The following HSF5 variants were observed in gnomAD, a reference collection of about 807,000 sequenced individuals.
HSF5 encodes the protein heat shock transcription factor 5, also known as heat shock factor protein 5.
HSF5 carries 5 observed loss-of-function variants against 50.8 expected under a neutral mutation model. The ratio of observed to expected loss-of-function variants is 0.10; its 90% confidence interval spans 0.05 to 0.21. HSF5 has a LOEUF of 0.21. Among genes scored for constraint, HSF5 ranks in the 10% least tolerant of loss-of-function variants. HSF5 has a pLI of 1.00. For synonymous variants in HSF5, 307 were observed against 307.4 expected, an observed-to-expected ratio of 1.00 and a Z score of 0.02; for missense variants, 564 against 762.6, an observed-to-expected ratio of 0.74 and a Z score of 3.07.
At chr17:58,427,709 C>T (rs1048852405) in intron 5 of HSF5, among the ~76,000 whole-genome samples, 12 of 152,228 alleles carry the variant, frequency 7.9e-5, no homozygotes, top group Admixed American at 3.3e-4. Context: ...ATTTGGTCAT[C>T]TATGAGAACT....
chr17:58,487,421 T>G (rs977678464), intron 1 of HSF5, among the ~76,000 whole-genome samples: 12 of 152,190 alleles, frequency 7.9e-5, no homozygotes, highest in Non-Finnish European at 5.9e-5. Flanking sequence ...CTCCTGGGGT[T>G]CAAACCGGGG....
chr17:58,466,838 A>C, intron 3 of HSF5, 47 bp downstream of exon 3: 1 of 1,167,098 alleles, frequency 8.6e-7, no homozygotes, highest in Non-Finnish European at 1.3e-6. Context: ...ATATCGATAA[A>C]ATTGCACATA....
intron 4 of HSF5, among the ~76,000 whole-genome samples, chr17:58,462,515 G>A (rs977798469): frequency 6.6e-6 from 1 of 152,138 alleles, no homozygotes; most frequent in Non-Finnish European, 1.5e-5. Context: ...ATGAAAATAA[G>A]CTTCATACTA....
At chr17:58,441,558 T>G (rs1360837169) in intron 5 of HSF5, among the ~76,000 whole-genome samples, 3 of 151,686 alleles carry the variant, frequency 2.0e-5, no homozygotes, top group African/African-American at 4.8e-5. Flanking sequence ...TGGAAAAAAT[T>G]AACAAATACA....
At chr17:58,439,546 G>A (rs553154077) in intron 5 of HSF5, among the ~76,000 whole-genome samples, 37 of 151,904 alleles carry the variant, frequency 2.4e-4, no homozygotes, top group African/African-American at 7.7e-4. Context: ...GTGCAATAGC[G>A]CGATCTCGGC....
Position 58,459,646 on chromosome 17 carries a change from CA to C in HSF5, c.1543-702del, listed in dbSNP as rs35302270. Among the ~76,000 whole-genome samples, 420 of 105,514 alleles carry C rather than the reference CA, an allele frequency of 4.0e-3. 1 individual carries two copies. Among genetic ancestry groups the C allele is most frequent in the South Asian group, 0.017 (49 of 2,834 alleles). The allele number at this position is 105,514 out of a possible 152,430, so 69.2% of individuals were successfully genotyped here. A position where few individuals can be genotyped will look rare whatever the true frequency, so the allele number is the denominator to read the frequency against. On this transcript the variant is annotated intron_variant, in intron 4 of 5. Transcript: ENST00000323777. ...TGGGCAACAGAGTGAGACTACATCT[CA>C]AAAAAAAAAAAAAAAGGTTTTTTTG...
At position 58,462,958 on chromosome 17, in the gene HSF5, G is replaced by C. The variant is rs1409638720; in HGVS notation, c.1366C>G (p.Gln456Glu). The C allele has an allele frequency of 6.2e-7, 1 of 1,614,218 alleles. No homozygotes were observed. Among genetic ancestry groups the C allele is most frequent in the African/African-American group, 1.3e-5 (1 of 75,048 alleles). Residue 456 changes from glutamine to glutamate, a missense_variant, in exon 4 of 6, where the codon CAG (glutamine) becomes GAG (glutamate). Coordinates refer to ENST00000323777, the MANE Select transcript of HSF5 (RefSeq NM_001080439.3). ...ATGGTATAGATGTACTCAGGTGACT[G>C]TGGTAGAGAGCAGGCAACTGCTTGT... ...TEQAVACSLP[Q>E]SPEYIYTIHT...
intron 5 of HSF5, among the ~76,000 whole-genome samples, chr17:58,457,710 T>C (rs966418809): frequency 5.9e-5 from 9 of 152,248 alleles, no homozygotes; most frequent in Admixed American, 6.5e-5. Context: ...AGATTTGTCC[T>C]ATGGCACAAA....
In HSF5 at chr17:58,461,512, T is replaced by G. The variant is rs145382894; in HGVS notation, c.1542+1270A>C. ...AAAATGGAAAAAAAATATATACACA[T>G]ATCAGGCTAAGATCAAGAAAAAAAT... On this transcript the variant is annotated intron_variant, in intron 4 of 5. Coordinates refer to ENST00000323777, the MANE Select transcript of HSF5 (RefSeq NM_001080439.3). Among the ~76,000 whole-genome samples, 123 of 152,146 alleles carry G rather than the reference T, an allele frequency of 8.1e-4. 1 individual carries two copies. In the East Asian group the frequency reaches 0.022, roughly 27 times the overall value.
Position 58,458,753 on chromosome 17 carries a change from C to A in HSF5, c.1720+15G>T, listed in dbSNP as rs1461393286. 1 of 1,586,684 alleles carries A rather than the reference C, an allele frequency of 6.3e-7. No individual in the cohort carries two copies. Among genetic ancestry groups the A allele is most frequent in the Non-Finnish European group, 8.6e-7 (1 of 1,168,984 alleles). ...TGATTCTACTTCTGGCATTCTAGAG[C>A]ACAATAATCCTTACCAGGGGACTTT... On this transcript the variant is annotated intron_variant, in intron 5 of 5. Coordinates refer to ENST00000323777, the MANE Select transcript of HSF5 (RefSeq NM_001080439.3).
chr17:58,479,504 T>C (rs944055463), intron 2 of HSF5, among the ~76,000 whole-genome samples: 1 of 152,068 alleles, frequency 6.6e-6, no homozygotes, highest in African/African-American at 2.4e-5. Flanking sequence ...GGTTTCACCA[T>C]GTTGGCTAGG....
intron 1 of HSF5, among the ~76,000 whole-genome samples, chr17:58,480,762 G>GCTATCGATCTATCTATCTAT (rs71365893): frequency 5.5e-5 from 8 of 146,374 alleles, no homozygotes; most frequent in Non-Finnish European, 1.0e-4. Flanking sequence ...AACGCTCTTT[G>GCTATCGATCTATCTATCTAT]CTATCTATCT....
At chr17:58,468,308 G>A (rs1368657307) in intron 2 of HSF5, among the ~76,000 whole-genome samples, 1 of 152,170 alleles carries the variant, frequency 6.6e-6, no homozygotes, top group Non-Finnish European at 1.5e-5. Context: ...TCAGGTGGGA[G>A]GATCACTTGA....
At chr17:58,427,380 G>A (rs187958918) in intron 5 of HSF5, among the ~76,000 whole-genome samples, 38 of 152,126 alleles carry the variant, frequency 2.5e-4, no homozygotes, top group South Asian at 2.1e-4. Flanking sequence ...ATTTAGTTAC[G>A]GAAGGGCACT....
intron 5 of HSF5, among the ~76,000 whole-genome samples, chr17:58,457,236 G>C (rs917994830): frequency 1.3e-5 from 2 of 151,276 alleles, no homozygotes; most frequent in Admixed American, 1.3e-4. Flanking sequence ...CTACAGCCCG[G>C]GCAACAGAGC....
chr17:58,472,636 A>G (rs969007756), intron 2 of HSF5, among the ~76,000 whole-genome samples: 76 of 152,226 alleles, frequency 5.0e-4, no homozygotes, highest in African/African-American at 1.7e-3. Flanking sequence ...ATGAGGCCAC[A>G]TAACATGATA....
chr17:58,458,722 A>T, intron 5 of HSF5, 46 bp downstream of exon 5: 1 of 1,485,236 alleles, frequency 6.7e-7, no homozygotes, highest in Non-Finnish European at 9.1e-7. Context: ...TATTAATTCT[A>T]CAGCGTGATT....
Position 58,435,270 on chromosome 17 carries a change from G to A in HSF5, c.1721-12840C>T, listed in dbSNP as rs1048597923. 3.9e-5 allele frequency among the ~76,000 whole-genome samples: 6 copies of A among 152,198 alleles called. No homozygotes were observed. The East Asian group carries it at 1.2e-3, about 29-fold the overall frequency. ...CGTGAATTTAAAGTGAGACTAAGGC[G>A]GGGTGCAGTAGCTCATGCCTGTAAT... On this transcript the variant is annotated intron_variant, in intron 5 of 5. Transcript: ENST00000323777.
At chr17:58,462,022 G>A (rs555192827) in intron 4 of HSF5, among the ~76,000 whole-genome samples, 6 of 152,172 alleles carry the variant, frequency 3.9e-5, no homozygotes, top group South Asian at 2.1e-4. Flanking sequence ...TCTCATCTCC[G>A]TTCCCCCTCC....
Sources: gnomAD v4.1 joint callset for allele counts (sites outside exome capture counted in the v4.1 genomes callset) on GRCh38, gnomAD v4.1.1 for gene constraint, MANE v1.5 for transcripts, NCBI Gene and HGNC (gene_info 2026-07-23, HGNC 2026-07-21) for gene names.